Variants in ACVR1 observed in about 807,000 individuals in gnomAD.
ACVR1 encodes activin receptor type-1.
In ACVR1, 38 loss-of-function variants were observed where a neutral mutation model predicts 57.1. That is an observed-to-expected ratio of 0.67 (90% CI 0.51 to 0.87). ACVR1 has a LOEUF of 0.87. Ranked by LOEUF, ACVR1 falls within the 40% of genes least tolerant of loss-of-function variation. The pLI is 0.00. For missense variants in ACVR1, 463 were observed against 638.2 expected, an observed-to-expected ratio of 0.73 and a Z score of 2.96; for synonymous variants, 212 against 228.1, an observed-to-expected ratio of 0.93 and a Z score of 0.63.
intron 2 of ACVR1, among the ~76,000 whole-genome samples, chr2:157,816,801 T>C (rs941332704): frequency 1.1e-4 from 17 of 152,302 alleles, no homozygotes; most frequent in African/African-American, 3.1e-4. Context: ...AAACCATATC[T>C]GAGCAACTCA....
chr2:157,770,735 C>T (rs867091041), intron 6 of ACVR1, among the ~76,000 whole-genome samples: 2 of 152,088 alleles, frequency 1.3e-5, no homozygotes, highest in Non-Finnish European at 2.9e-5. Flanking sequence ...TCTCATCTAC[C>T]ATATTGTGAT....
chr2:157,838,922 G>C (rs1344211028), intron 1 of ACVR1, among the ~76,000 whole-genome samples: 2 of 152,014 alleles, frequency 1.3e-5, no homozygotes, highest in South Asian at 4.1e-4. Context: ...AATCCATCCT[G>C]CCCCTCAGCC....
At chr2:157,800,358 TGGCTC>T (rs1687278503) in intron 2 of ACVR1, among the ~76,000 whole-genome samples, 2 of 152,176 alleles carry the variant, frequency 1.3e-5, no homozygotes, top group Non-Finnish European at 2.9e-5. Flanking sequence ...CTGGGTGCGG[TGGCTC>T]ACAGCTGTAA....
chr2:157,854,743 A>T (rs1689451690), intron 1 of ACVR1, among the ~76,000 whole-genome samples: 1 of 147,134 alleles, frequency 6.8e-6, no homozygotes, highest in African/African-American at 2.5e-5. Context: ...AAAAAGAGTG[A>T]ATCTTTTTCA....
chr2:157,850,389 A>G, intron 1 of ACVR1, among the ~76,000 whole-genome samples: 1 of 138,540 alleles, frequency 7.2e-6, no homozygotes, highest in East Asian at 2.0e-4. Context: ...ACTCAGTCTC[A>G]AAAAAAAAAA....
At chr2:157,792,452 A>G (rs940506970) in intron 3 of ACVR1, among the ~76,000 whole-genome samples, 1 of 152,204 alleles carries the variant, frequency 6.6e-6, no homozygotes, top group African/African-American at 2.4e-5. Flanking sequence ...TTAAAGAGAA[A>G]GGATGGTCAG....
rs113154670 is a variant in ACVR1 at position 157,840,027 on chromosome 2, A to T, written c.-182-21468T>A. ...GCACTGGATTCCAGGGTGTGACGTGACCTGAGCCCACCCAATCAGAGTGAC... is the reference window on the plus strand; with the variant it reads ...GCACTGGATTCCAGGGTGTGACGTGTCCTGAGCCCACCCAATCAGAGTGAC... On this transcript the variant is annotated intron_variant, in intron 1 of 10. Transcript: ENST00000434821. Among the ~76,000 whole-genome samples, 989 of 152,270 alleles carry T rather than the reference A, an allele frequency of 6.5e-3. 11 individuals are homozygous for T. Among genetic ancestry groups the T allele is most frequent in the African/African-American group, 0.022 (932 of 41,550 alleles).
At chr2:157,838,803 C>T (rs1041302756) in intron 1 of ACVR1, among the ~76,000 whole-genome samples, 1 of 152,124 alleles carries the variant, frequency 6.6e-6, no homozygotes, top group Admixed American at 6.5e-5. Context: ...CCCATTTCTA[C>T]TTCATGTTTA....
chr2:157,860,715 A>C (rs1689689317), intron 1 of ACVR1, among the ~76,000 whole-genome samples: 5 of 152,164 alleles, frequency 3.3e-5, no homozygotes, highest in Admixed American at 3.3e-4. Context: ...TAGAAAATAT[A>C]AATCTAATAA....
chr2:157,831,653 T>C (rs554825666), intron 1 of ACVR1, among the ~76,000 whole-genome samples: 3 of 152,316 alleles, frequency 2.0e-5, no homozygotes, highest in East Asian at 1.9e-4. Flanking sequence ...TCTGGAGGAT[T>C]CTGTGAGAGT....
intron 2 of ACVR1, among the ~76,000 whole-genome samples, chr2:157,809,777 A>G (rs571223105): frequency 6.6e-6 from 1 of 152,318 alleles, no homozygotes; most frequent in South Asian, 2.1e-4. Context: ...TTGATCTGTT[A>G]TTAAAAATAA....
intron 3 of ACVR1, among the ~76,000 whole-genome samples, chr2:157,786,651 A>C (rs2105289378): frequency 6.6e-6 from 1 of 152,344 alleles, no homozygotes; most frequent in South Asian, 2.1e-4. Flanking sequence ...CAGGTAAAAT[A>C]CAAGTGTTCC....
chr2:157,769,619 C>G (rs1686000033), intron 7 of ACVR1, among the ~76,000 whole-genome samples: 1 of 152,176 alleles, frequency 6.6e-6, no homozygotes, highest in Admixed American at 6.5e-5. Context: ...TTCCTATGAG[C>G]CAGACCTAAT....
In ACVR1 at chr2:157,784,452, T is replaced by G. The variant is rs114864592; in HGVS notation, c.68-3852A>C. ...AAGGCAGAAAGTCTACTCCACCTAA[T>G]TGACATTCATTTGAATAATTCAGTA... On this transcript the variant is annotated intron_variant, in intron 3 of 10. Transcript: ENST00000434821. 9.1e-4 allele frequency among the ~76,000 whole-genome samples: 138 copies of G among 152,378 alleles called. 2 individuals are homozygous for G. Among genetic ancestry groups the G allele is most frequent in the African/African-American group, 3.2e-3 (134 of 41,598 alleles).
chr2:157,752,946 A>G (rs1368146060), intron 9 of ACVR1, among the ~76,000 whole-genome samples: 1 of 152,208 alleles, frequency 6.6e-6, no homozygotes, highest in African/African-American at 2.4e-5. Flanking sequence ...ATGAATAGGA[A>G]TAGCATCTCA....
rs930071799 is a variant in ACVR1 at position 157,822,494 on chromosome 2, T to C, written c.-182-3935A>G. Among the ~76,000 whole-genome samples, 8 of 152,356 alleles carry C rather than the reference T, an allele frequency of 5.3e-5. No homozygotes were observed. The East Asian group carries it at 1.5e-3, about 29-fold the overall frequency. On this transcript the variant is annotated intron_variant, in intron 1 of 10. Coordinates refer to ENST00000434821, the MANE Select transcript of ACVR1 (RefSeq NM_001111067.4). ...CATGAGAAATGGGAATTTCCAGGAA[T>C]TTCTCCAGAATATATTCTTCTTAAA... is the stretch of plus-strand genomic sequence containing the variant.
At chr2:157,762,748 G>C (rs554418785) in intron 8 of ACVR1, among the ~76,000 whole-genome samples, 5 of 152,120 alleles carry the variant, frequency 3.3e-5, no homozygotes, top group South Asian at 2.1e-4. Flanking sequence ...ATTATAAAAG[G>C]CTTCCTGTTT....
intron 1 of ACVR1, among the ~76,000 whole-genome samples, chr2:157,855,631 T>A (rs1255162756): frequency 6.6e-6 from 1 of 152,018 alleles, no homozygotes; most frequent in Non-Finnish European, 1.5e-5. Flanking sequence ...AGTGCCAATG[T>A]TATACAAAGA....
intron 6 of ACVR1, among the ~76,000 whole-genome samples, chr2:157,772,826 A>C (rs1686123168): frequency 6.6e-6 from 1 of 152,190 alleles, no homozygotes; most frequent in East Asian, 1.9e-4. Flanking sequence ...GTGGAGGAGA[A>C]GCGAGAAGCA....
Sources: allele counts gnomAD v4.1 joint callset (sites outside exome capture counted in the v4.1 genomes callset), GRCh38; gene constraint gnomAD v4.1.1; transcripts MANE v1.5; gene names NCBI Gene and HGNC (gene_info 2026-07-23, HGNC 2026-07-21).